The following PLCG2 variants were observed in gnomAD, a reference collection of about 807,000 sequenced individuals.
PLCG2 encodes the protein 1-phosphatidylinositol 4,5-bisphosphate phosphodiesterase gamma-2.
In PLCG2, 69 loss-of-function variants were observed where a neutral mutation model predicts 175.6. That is an observed-to-expected ratio of 0.39 (90% CI 0.32 to 0.48). PLCG2 has a LOEUF of 0.48. Ranked by LOEUF, PLCG2 falls within the 20% of genes least tolerant of loss-of-function variation. The probability of loss-of-function intolerance (pLI) is 0.91; values close to 1 mark genes in which losing one functional copy is unlikely to be tolerated. For synonymous variants in PLCG2, 827 were observed against 624.0 expected, an observed-to-expected ratio of 1.33 and a Z score of -4.85; for missense variants, 1,798 against 1,650.9, an observed-to-expected ratio of 1.09 and a Z score of -1.54.
At chr16:81,808,972 G>A (rs770106231) in intron 2 of PLCG2, among the ~76,000 whole-genome samples, 4 of 152,228 alleles carry the variant, frequency 2.6e-5, no homozygotes, top group Non-Finnish European at 5.9e-5. Context: ...TGCCTGTGAG[G>A]TTGGTGGTGT....
intron 2 of PLCG2, among the ~76,000 whole-genome samples, chr16:81,821,551 C>T (rs1383352533): frequency 3.3e-5 from 5 of 151,988 alleles, no homozygotes; most frequent in Non-Finnish European, 7.4e-5. Context: ...TGAGGTGGGT[C>T]CTGGGGGCTC....
intron 1 of PLCG2, chr16:81,739,834 A>T (rs1909544975): frequency 6.6e-6 from 1 of 152,134 alleles, no homozygotes; most frequent in Non-Finnish European, 1.5e-5. Flanking sequence ...ATGAATTAGT[A>T]AGTGCTCAGA....
chr16:81,934,629 C>A, intron 26 of PLCG2, 98 bp downstream of exon 26: 2 of 765,810 alleles, frequency 2.6e-6, no homozygotes, highest in Non-Finnish European at 2.3e-6. Context: ...TGCATTCTCT[C>A]ATTCTTAACT....
At chr16:81,787,438 G>C (rs551368294) in intron 2 of PLCG2, among the ~76,000 whole-genome samples, 1 of 119,150 alleles carries the variant, frequency 8.4e-6, no homozygotes, top group East Asian at 2.3e-4. Flanking sequence ...ACTATGTCCA[G>C]GCTTGTCTCC....
chr16:81,828,581 C>T (rs910594156), intron 2 of PLCG2, among the ~76,000 whole-genome samples: 2 of 152,196 alleles, frequency 1.3e-5, no homozygotes, highest in East Asian at 3.9e-4. Flanking sequence ...GGTGCCTCTT[C>T]CTTTGCTTTT....
At chr16:81,833,710 T>A (rs976663146) in intron 2 of PLCG2, among the ~76,000 whole-genome samples, 5 of 151,412 alleles carry the variant, frequency 3.3e-5, no homozygotes, top group Non-Finnish European at 5.9e-5. Flanking sequence ...TTATATATAT[T>A]TTTTTGTAGA....
intron 1 of PLCG2, among the ~76,000 whole-genome samples, chr16:81,745,985 G>T (rs775305345): frequency 6.6e-5 from 10 of 152,182 alleles, no homozygotes; most frequent in Non-Finnish European, 1.3e-4. Flanking sequence ...TCTTTAGAAG[G>T]GAGCAAGTGT....
intron 1 of PLCG2, among the ~76,000 whole-genome samples, chr16:81,779,842 C>A (rs1299281833): frequency 2.0e-5 from 3 of 152,214 alleles, no homozygotes; most frequent in African/African-American, 7.2e-5. Flanking sequence ...TTCCCTGTCT[C>A]ACTTCGGTGG....
At chr16:81,858,438 GAAA>G (rs67392656) in intron 4 of PLCG2, 82 bp downstream of exon 4, 98 of 580,236 alleles carry the variant, frequency 1.7e-4, no homozygotes, top group Non-Finnish European at 2.0e-4. Context: ...CTACAGGGGG[GAAA>G]AAAAAAAAAA....
At chr16:81,763,900 G>C (rs1002380828) in intron 2 of PLCG2, among the ~76,000 whole-genome samples, 4 of 152,072 alleles carry the variant, frequency 2.6e-5, no homozygotes, top group African/African-American at 9.7e-5. Flanking sequence ...CCAGGAGTCG[G>C]AGGTTTCAGT....
chr16:81,908,983 C>G (rs936613129), intron 17 of PLCG2, among the ~76,000 whole-genome samples: 5 of 152,178 alleles, frequency 3.3e-5, no homozygotes, highest in African/African-American at 1.2e-4. Flanking sequence ...GCATCTCTGT[C>G]TCCTCCATAA....
intron 2 of PLCG2, among the ~76,000 whole-genome samples, chr16:81,811,400 C>G (rs1904320189): frequency 6.6e-6 from 1 of 152,130 alleles, no homozygotes; most frequent in South Asian, 2.1e-4. Context: ...GAAGGCCATT[C>G]CCAGTGTTAG....
chr16:81,871,590 C>T (rs1233295006), intron 7 of PLCG2, among the ~76,000 whole-genome samples: 1 of 152,174 alleles, frequency 6.6e-6, no homozygotes, highest in Admixed American at 6.5e-5. Flanking sequence ...GGCCCGCCTC[C>T]ACTTCCTAAA....
intron 13 of PLCG2, 102 bp downstream of exon 13, chr16:81,896,029 C>A (rs1035383203): frequency 7.0e-7 from 1 of 1,419,300 alleles, no homozygotes; most frequent in Non-Finnish European, 9.8e-7. Flanking sequence ...CACCTCCCTC[C>A]AAATGCGGGA....
chr16:81,936,404 G>T (rs763767323), intron 27 of PLCG2, 26 bp downstream of exon 27: 2 of 1,596,144 alleles, frequency 1.3e-6, no homozygotes, highest in East Asian at 2.2e-5. Flanking sequence ...AGGTAGTCCC[G>T]TCCCTGCAAG....
In PLCG2 at chr16:81,961,438, T is replaced by G. The variant is rs1258461235; in HGVS notation, c.*3440T>G. 8.8e-6 allele frequency: 2 copies of G among 226,132 alleles called. No homozygotes were observed. Among genetic ancestry groups the G allele is most frequent in the East Asian group, 6.4e-5 (1 of 15,504 alleles). The allele number at this position is 226,132 out of a possible 1,614,324, so 14.0% of individuals were successfully genotyped here. ...AGTGAAATTTGGGCTATGTGTTTATTGATTCAGCTCAATCCAGAGGAAAAT... is the reference window on the plus strand; with the variant it reads ...AGTGAAATTTGGGCTATGTGTTTATGGATTCAGCTCAATCCAGAGGAAAAT... On this transcript the variant is annotated 3_prime_UTR_variant, in exon 33 of 33. Coordinates refer to ENST00000564138, the MANE Select transcript of PLCG2 (RefSeq NM_002661.5).
chr16:81,907,001 G>C (rs1909398853), intron 15 of PLCG2, among the ~76,000 whole-genome samples: 1 of 142,710 alleles, frequency 7.0e-6, no homozygotes, highest in East Asian at 2.1e-4. Flanking sequence ...TTGAGCCACT[G>C]CACTCCAGCC....
upstream of PLCG2, among the ~76,000 whole-genome samples, chr16:81,778,490 G>A (rs547228346): frequency 2.0e-5 from 3 of 152,330 alleles, no homozygotes; most frequent in African/African-American, 4.8e-5. Context: ...AAAGAGCATA[G>A]GAAGGGTTTG....
At chr16:81,822,183 G>A (rs1425879538) in intron 2 of PLCG2, among the ~76,000 whole-genome samples, 1 of 152,106 alleles carries the variant, frequency 6.6e-6, no homozygotes, top group African/African-American at 2.4e-5. Context: ...GGGTGTGGGG[G>A]ATTGAGATTT....
Sources: gnomAD v4.1 joint callset for allele counts (sites outside exome capture counted in the v4.1 genomes callset) on GRCh38, gnomAD v4.1.1 for gene constraint, MANE v1.5 for transcripts, NCBI Gene and HGNC (gene_info 2026-07-23, HGNC 2026-07-21) for gene names.